The following GAS2L3 variants were observed in gnomAD, a reference collection of about 807,000 sequenced individuals.
GAS2L3 encodes growth arrest specific 2 like 3, also known as GAS2-like protein 3.
In GAS2L3, 28 loss-of-function variants were observed where a neutral mutation model predicts 37.0. That is an observed-to-expected ratio of 0.76 (90% CI 0.56 to 1.04). GAS2L3 has a LOEUF of 1.04. Among genes scored for constraint, GAS2L3 ranks in the 50% least tolerant of loss-of-function variants. The pLI is 0.00. For synonymous variants in GAS2L3, 290 were observed against 296.6 expected, an observed-to-expected ratio of 0.98 and a Z score of 0.23; for missense variants, 793 against 817.6, an observed-to-expected ratio of 0.97 and a Z score of 0.37.
Position 100,617,556 on chromosome 12 carries a change from G to GT in GAS2L3, c.446-180dup, listed in dbSNP as rs949929962. Among the ~76,000 whole-genome samples the GT allele has an allele frequency of 2.9e-4, 44 of 151,828 alleles. 1 individual carries two copies. The highest frequency in any genetic ancestry group is 7.9e-4 in the Admixed American group (12 of 15,236). On this transcript the variant is annotated intron_variant, in intron 6 of 9. Coordinates refer to ENST00000547754, the MANE Select transcript of GAS2L3 (RefSeq NM_174942.3). ...ATTTTTCATTCTGTTCTTATTAGCT[G>GT]TTTTTTTTAAACTAATTTGTTGAAG...
intron 5 of GAS2L3, among the ~76,000 whole-genome samples, chr12:100,609,844 T>C (rs1241178212): frequency 1.3e-5 from 2 of 152,190 alleles, no homozygotes; most frequent in African/African-American, 4.8e-5. Context: ...GTGAGTTCAA[T>C]GTAAAGCCTC....
intron 5 of GAS2L3, 90 bp downstream of exon 5, chr12:100,601,843 T>G: frequency 1.7e-6 from 1 of 583,992 alleles, no homozygotes. Flanking sequence ...TAAACTTCCA[T>G]GCCAACTGGC....
chr12:100,610,571 C>A (rs1593181561), intron 5 of GAS2L3, among the ~76,000 whole-genome samples: 1 of 149,612 alleles, frequency 6.7e-6, no homozygotes, highest in South Asian at 2.1e-4. Flanking sequence ...GAAAAAAAAA[C>A]TCCTAACGTT....
Position 100,628,260 on chromosome 12 carries a change from T to C in GAS2L3, c.*3370T>C, listed in dbSNP as rs1344369010. 2 of 152,214 alleles carry C rather than the reference T, an allele frequency of 1.3e-5. No homozygotes were observed. The highest frequency in any genetic ancestry group is 3.8e-4 in the East Asian group (2 of 5,202). The allele number at this position is 152,214 out of a possible 1,614,324, so 9.4% of individuals were successfully genotyped here. ...ATCCAATTTTAACTTAGGTTTGTTT[T>C]CTTGAGTATTAAAATTTAAACATAT... On this transcript the variant is annotated 3_prime_UTR_variant, in exon 10 of 10. Transcript: ENST00000547754.
chr12:100,576,141 T>C (rs1044825566), intron 1 of GAS2L3, among the ~76,000 whole-genome samples: 2 of 152,206 alleles, frequency 1.3e-5, no homozygotes, highest in African/African-American at 4.8e-5. Context: ...CTAATTTATA[T>C]TTTGATAAAT....
intron 5 of GAS2L3, among the ~76,000 whole-genome samples, chr12:100,602,626 T>C (rs536567954): frequency 1.3e-5 from 2 of 152,290 alleles, no homozygotes; most frequent in East Asian, 3.9e-4. Context: ...CAAGCATTTA[T>C]TCTTTGTGTT....
At chr12:100,603,854 C>G (rs550799807) in intron 5 of GAS2L3, among the ~76,000 whole-genome samples, 17 of 151,884 alleles carry the variant, frequency 1.1e-4, no homozygotes, top group Non-Finnish European at 1.2e-4. Context: ...ATGTGAATAC[C>G]CAGTTTTCCC....
chr12:100,618,045 T>G (rs576378557), intron 7 of GAS2L3, among the ~76,000 whole-genome samples: 1 of 152,296 alleles, frequency 6.6e-6, no homozygotes, highest in South Asian at 2.1e-4. Context: ...GTTACTTAAA[T>G]TTTTTAGATT....
chr12:100,617,520 G>A (rs543702192), intron 6 of GAS2L3, among the ~76,000 whole-genome samples: 6 of 151,974 alleles, frequency 3.9e-5, no homozygotes, highest in Non-Finnish European at 5.9e-5. Flanking sequence ...TGCAAATAAA[G>A]GTCCATGGTA....
At chr12:100,595,417 GT>G (rs1293595131) in intron 3 of GAS2L3, among the ~76,000 whole-genome samples, 1 of 139,182 alleles carries the variant, frequency 7.2e-6, no homozygotes, top group South Asian at 2.3e-4. Context: ...TTTTTGTTTT[GT>G]TTTTTGTGGA....
chr12:100,600,486 G>C lies in GAS2L3; in HGVS notation c.123G>C (p.Val41=), dbSNP rs1344506367. Residue 41 remains valine (V), a synonymous_variant, in exon 4 of 10, where the codon GTG becomes GTC. Coordinates refer to ENST00000547754, the MANE Select transcript of GAS2L3 (RefSeq NM_174942.3). Reference sequence around the variant, plus strand: ...GTCAGTACGATGAGTGGATAGCTGTGAGGCATGAAGCCACTTTGTTGCCCA... The same window carrying C: ...GTCAGTACGATGAGTGGATAGCTGTCAGGCATGAAGCCACTTTGTTGCCCA... ...NVCQYDEWIA[V]RHEATLLPMQ... is the part of the protein sequence containing the mutation. 6.2e-7 allele frequency: 1 copy of C among 1,613,650 alleles called. No homozygotes were observed. Among genetic ancestry groups the C allele is most frequent in the Non-Finnish European group, 8.5e-7 (1 of 1,179,696 alleles).
intron 5 of GAS2L3, chr12:100,610,987 CTTTTTTTT>C (rs200233669): frequency 7.6e-6 from 1 of 132,372 alleles, no homozygotes; most frequent in Non-Finnish European, 1.7e-5. Flanking sequence ...GTCTGTGATT[CTTTTTTTT>C]TTTTTTTTTG....
At chr12:100,622,942 G>A (rs1301821132) in intron 9 of GAS2L3, among the ~76,000 whole-genome samples, 1 of 151,680 alleles carries the variant, frequency 6.6e-6, no homozygotes, top group Non-Finnish European at 1.5e-5. Flanking sequence ...TGTTCCTTTT[G>A]TTGGTAAGGA....
At chr12:100,591,164 C>A (rs981030806) in intron 1 of GAS2L3, among the ~76,000 whole-genome samples, 4 of 152,090 alleles carry the variant, frequency 2.6e-5, no homozygotes, top group African/African-American at 9.7e-5. Context: ...GGTATATTAA[C>A]CCCATAAGGG....
intron 5 of GAS2L3, among the ~76,000 whole-genome samples, chr12:100,606,736 A>C (rs1956061738): frequency 6.6e-6 from 1 of 152,050 alleles, no homozygotes; most frequent in Non-Finnish European, 1.5e-5. Context: ...TAAGCAAATG[A>C]ACTATTAATA....
At chr12:100,588,107 A>C (rs559966544) in intron 1 of GAS2L3, among the ~76,000 whole-genome samples, 1 of 152,306 alleles carries the variant, frequency 6.6e-6, no homozygotes, top group African/African-American at 2.4e-5. Context: ...GAGGAAGTCT[A>C]ACTATTACTG....
intron 2 of GAS2L3, among the ~76,000 whole-genome samples, 190 bp downstream of exon 2, chr12:100,592,046 A>G (rs1955852706): frequency 6.6e-6 from 1 of 152,162 alleles, no homozygotes; most frequent in Non-Finnish European, 1.5e-5. Flanking sequence ...TTAAAAAAGG[A>G]TGAAATATTT....
intron 8 of GAS2L3, among the ~76,000 whole-genome samples, chr12:100,619,151 C>T (rs1478632822): frequency 6.6e-6 from 1 of 151,326 alleles, no homozygotes; most frequent in Non-Finnish European, 1.5e-5. Flanking sequence ...TATATTGATC[C>T]TTGCAGAATA....
At chr12:100,584,202 G>A (rs969687827) in intron 1 of GAS2L3, among the ~76,000 whole-genome samples, 1 of 152,134 alleles carries the variant, frequency 6.6e-6, no homozygotes, top group Non-Finnish European at 1.5e-5. Context: ...GCACCATACA[G>A]GCAAGTAATA....
Sources: allele counts gnomAD v4.1 joint callset (sites outside exome capture counted in the v4.1 genomes callset), GRCh38; gene constraint gnomAD v4.1.1; transcripts MANE v1.5; gene names NCBI Gene and HGNC (gene_info 2026-07-23, HGNC 2026-07-21).